Variants in DCTN6 observed in about 807,000 individuals in gnomAD.
DCTN6 encodes the protein dynactin subunit 6, also known as dynactin 6.
Under a neutral mutation model 25.8 loss-of-function variants are expected in DCTN6, and 15 were observed. The observed-to-expected ratio is 0.58, with a 90% confidence interval of 0.39 to 0.89. The LOEUF is 0.89. Ranked by LOEUF, DCTN6 falls within the 40% of genes least tolerant of loss-of-function variation. The pLI is 0.00. For missense variants in DCTN6, 198 were observed against 237.6 expected (o/e 0.83, Z 1.09); for synonymous variants, 64 against 78.3 (o/e 0.82, Z 0.96).
chr8:30,182,388 C>T (rs920045572), intron 6 of DCTN6, among the ~76,000 whole-genome samples: 5 of 152,060 alleles, frequency 3.3e-5, no homozygotes, highest in African/African-American at 7.2e-5. Flanking sequence ...ACAAGTACAC[C>T]TCAGCTGTGT....
chr8:30,168,704 A>G (rs1803720488), intron 2 of DCTN6, among the ~76,000 whole-genome samples: 1 of 152,186 alleles, frequency 6.6e-6, no homozygotes, highest in Non-Finnish European at 1.5e-5. Flanking sequence ...TTCCTAGAAA[A>G]GCAGGTATTT....
At position 30,160,598 on chromosome 8, in the gene DCTN6, T is replaced by G. The variant is rs115903287; in HGVS notation, c.24-3513T>G. Among the ~76,000 whole-genome samples the G allele has an allele frequency of 1.6e-3, 247 of 152,310 alleles. 2 individuals are homozygous for G. Among genetic ancestry groups the G allele is most frequent in the African/African-American group, 5.8e-3 (241 of 41,570 alleles). On this transcript the variant is annotated intron_variant, in intron 1 of 6. Coordinates refer to ENST00000221114, the MANE Select transcript of DCTN6 (RefSeq NM_006571.4). ...TTTATATCCATGGGTTCCACATCCA[T>G]GGATCCAACCAACCTCAGATCGAAA...
intron 6 of DCTN6, 37 bp downstream of exon 6, chr8:30,180,667 TG>T: frequency 6.2e-7 from 1 of 1,606,546 alleles, no homozygotes; most frequent in South Asian, 1.1e-5. Context: ...TTCTATCTGC[TG>T]ATTTTCCCAA....
chr8:30,163,937 G>A (rs577832628), intron 1 of DCTN6, among the ~76,000 whole-genome samples, 174 bp from the exon 2 acceptor site: 1 of 151,960 alleles, frequency 6.6e-6, no homozygotes, highest in South Asian at 2.1e-4. Context: ...CCTGACCTCA[G>A]GTGATCCCCC....
intron 2 of DCTN6, among the ~76,000 whole-genome samples, chr8:30,166,282 A>G (rs182832895): frequency 5.7e-4 from 79 of 139,382 alleles, no homozygotes; most frequent in African/African-American, 1.8e-3. Context: ...AAATCCCCCA[A>G]TGTTACAACA....
chr8:30,158,442 G>A (rs1022494571), intron 1 of DCTN6, among the ~76,000 whole-genome samples: 1 of 152,210 alleles, frequency 6.6e-6, no homozygotes, highest in South Asian at 2.1e-4. Flanking sequence ...GGACAGTGTC[G>A]CTCATTTATC....
intron 2 of DCTN6, among the ~76,000 whole-genome samples, chr8:30,168,794 C>T (rs540398366): frequency 1.3e-5 from 2 of 152,280 alleles, no homozygotes; most frequent in Admixed American, 1.3e-4. Flanking sequence ...TCTGCTGGAG[C>T]CTGACCCCCT....
intron 6 of DCTN6, among the ~76,000 whole-genome samples, chr8:30,181,260 T>C (rs2117601746): frequency 6.6e-6 from 1 of 152,328 alleles, no homozygotes; most frequent in South Asian, 2.1e-4. Context: ...ACAAGCCATA[T>C]TGATTTACTC....
At chr8:30,177,017 T>A in intron 3 of DCTN6, 109 bp from the exon 4 acceptor site, 1 of 751,222 alleles carries the variant, frequency 1.3e-6, no homozygotes, top group Non-Finnish European at 2.2e-6. Flanking sequence ...TCATGTCTTT[T>A]AAGCTTGATG....
At chr8:30,159,034 G>A (rs537628002) in intron 1 of DCTN6, among the ~76,000 whole-genome samples, 17 of 152,066 alleles carry the variant, frequency 1.1e-4, no homozygotes, top group Admixed American at 5.9e-4. Context: ...TGCCCACCTC[G>A]GCCTCCCAAA....
intron 1 of DCTN6, among the ~76,000 whole-genome samples, chr8:30,161,571 CT>C (rs1292920041): frequency 6.6e-6 from 1 of 152,098 alleles, no homozygotes; most frequent in East Asian, 1.9e-4. Flanking sequence ...GCTGATCCTG[CT>C]TTTCCTCCCA....
intron 1 of DCTN6, 147 bp downstream of exon 1, chr8:30,156,553 A>T: frequency 3.7e-6 from 3 of 806,964 alleles, no homozygotes; most frequent in Non-Finnish European, 4.0e-6. Flanking sequence ...GCGTCCACTG[A>T]GGGAGGGGGC....
At chr8:30,182,238 T>A (rs1001082223) in intron 6 of DCTN6, among the ~76,000 whole-genome samples, 2 of 152,148 alleles carry the variant, frequency 1.3e-5, no homozygotes, top group African/African-American at 2.4e-5. Flanking sequence ...AAATAAAGAT[T>A]CCCCAGACTT....
At chr8:30,172,472 T>C (rs567496387) in intron 2 of DCTN6, among the ~76,000 whole-genome samples, 1 of 151,570 alleles carries the variant, frequency 6.6e-6, no homozygotes, top group African/African-American at 2.4e-5. Context: ...TTTTTTGAGA[T>C]GGAGTCTCGG....
At chr8:30,161,561 G>C (rs934763186) in intron 1 of DCTN6, among the ~76,000 whole-genome samples, 3 of 152,058 alleles carry the variant, frequency 2.0e-5, no homozygotes, top group African/African-American at 7.3e-5. Flanking sequence ...TTATTCATGG[G>C]CTGATCCTGC....
chr8:30,171,228 T>G (rs1279304704), intron 2 of DCTN6, among the ~76,000 whole-genome samples: 3 of 151,844 alleles, frequency 2.0e-5, no homozygotes, highest in Admixed American at 1.3e-4. Context: ...CTGTAACAGA[T>G]ATGACGATCA....
intron 2 of DCTN6, among the ~76,000 whole-genome samples, chr8:30,170,644 T>C (rs1354636917): frequency 6.6e-6 from 1 of 152,046 alleles, no homozygotes; most frequent in East Asian, 1.9e-4. Context: ...GGGGTTGTTT[T>C]AATTTTTTTT....
intron 2 of DCTN6, among the ~76,000 whole-genome samples, chr8:30,171,042 G>A (rs1476969266): frequency 6.6e-6 from 1 of 152,058 alleles, no homozygotes; most frequent in Non-Finnish European, 1.5e-5. Flanking sequence ...TAAGAAATTT[G>A]TATTACTTAG....
At chr8:30,161,441 G>A (rs1329194871) in intron 1 of DCTN6, among the ~76,000 whole-genome samples, 1 of 152,108 alleles carries the variant, frequency 6.6e-6, no homozygotes, top group Admixed American at 6.5e-5. Context: ...TCATACAAGT[G>A]TCAATTATCT....
Sources: allele counts gnomAD v4.1 joint callset (sites outside exome capture counted in the v4.1 genomes callset), GRCh38; gene constraint gnomAD v4.1.1; transcripts MANE v1.5; gene names NCBI Gene and HGNC (gene_info 2026-07-23, HGNC 2026-07-21).